Variants in ATG7 observed in about 807,000 individuals in gnomAD.
The protein encoded by ATG7 is ubiquitin-like modifier-activating enzyme ATG7.
Under a neutral mutation model 82.4 loss-of-function variants are expected in ATG7, and 70 were observed. That is an observed-to-expected ratio of 0.85 (90% CI 0.70 to 1.04). ATG7 has a LOEUF of 1.04. Among genes scored for constraint, ATG7 ranks in the 50% least tolerant of loss-of-function variants. The probability of loss-of-function intolerance (pLI) is 0.00; values close to 1 mark genes in which losing one functional copy is unlikely to be tolerated. For synonymous variants in ATG7, 287 were observed against 313.0 expected, an observed-to-expected ratio of 0.92 and a Z score of 0.88; for missense variants, 792 against 864.3, an observed-to-expected ratio of 0.92 and a Z score of 1.05.
At chr3:11,380,146 A>C in intron 19 of ATG7, 94 bp downstream of exon 19, 1 of 1,209,026 alleles carries the variant, frequency 8.3e-7, no homozygotes, top group Non-Finnish European at 1.2e-6. Context: ...GAAACCAACT[A>C]AGGGCTTTTT....
chr3:11,474,905 T>C (rs1191979153), intron 20 of ATG7, among the ~76,000 whole-genome samples: 1 of 151,592 alleles, frequency 6.6e-6, no homozygotes, highest in Non-Finnish European at 1.5e-5. Context: ...AGCAGTGCAG[T>C]GAATTAGTGG....
the ATG7 span, among the ~76,000 whole-genome samples, chr3:11,570,482 G>A: frequency 3.2e-4 from 48 of 152,276 alleles, no homozygotes; most frequent in African/African-American, 9.4e-4. Context: ...GTGCACTCCC[G>A]GGAAGGCTGA....
intron 4 of ATG7, 139 bp downstream of exon 4, chr3:11,298,994 G>T: frequency 2.1e-6 from 2 of 947,450 alleles, no homozygotes; most frequent in Non-Finnish European, 1.5e-6. Flanking sequence ...TTTACTTCCT[G>T]ACTTTTTGAT....
intron 1 of ATG7, among the ~76,000 whole-genome samples, chr3:11,276,207 C>A (rs948006356): frequency 1.1e-4 from 16 of 152,174 alleles, no homozygotes; most frequent in Admixed American, 1.0e-3. Flanking sequence ...TTAATTAAGG[C>A]ATCGCAGCTT....
At chr3:11,364,784 C>T (rs1575724165) in intron 18 of ATG7, 50 bp downstream of exon 18, 1 of 1,587,460 alleles carries the variant, frequency 6.3e-7, no homozygotes, top group Middle Eastern at 1.7e-4. Flanking sequence ...AGGGGGAAAG[C>T]ATGTGGGGTC....
At chr3:11,518,094 G>A (rs1469074841) in intron 20 of ATG7, among the ~76,000 whole-genome samples, 1 of 152,178 alleles carries the variant, frequency 6.6e-6, no homozygotes. Flanking sequence ...AGGGGACCAA[G>A]GTGCTTCCCT....
chr3:11,276,182 A>G (rs1158914453), intron 1 of ATG7, among the ~76,000 whole-genome samples: 1 of 152,092 alleles, frequency 6.6e-6, no homozygotes, highest in Admixed American at 6.5e-5. Context: ...CTTTTGCTCC[A>G]CTAAGTTGCA....
chr3:11,573,495 T>C, the ATG7 span, among the ~76,000 whole-genome samples: 32,268 of 152,036 alleles, frequency 0.21, 3,895 homozygotes, highest in African/African-American at 0.31. Flanking sequence ...GTCATCCACC[T>C]TCGACTTCAA....
intron 20 of ATG7, among the ~76,000 whole-genome samples, chr3:11,511,641 C>T (rs2092063095): frequency 6.6e-6 from 1 of 152,196 alleles, no homozygotes; most frequent in African/African-American, 2.4e-5. Context: ...GCGCCGTGAG[C>T]AGGGGGTGGT....
intron 20 of ATG7, among the ~76,000 whole-genome samples, chr3:11,458,008 A>G (rs1487543910): frequency 2.6e-5 from 4 of 152,224 alleles, no homozygotes; most frequent in Non-Finnish European, 4.4e-5. Flanking sequence ...TTCTAAGTGA[A>G]TGAGCTCACC....
chr3:11,338,585 C>G (rs1196888822), intron 11 of ATG7, among the ~76,000 whole-genome samples: 1 of 152,136 alleles, frequency 6.6e-6, no homozygotes, highest in Non-Finnish European at 1.5e-5. Flanking sequence ...AAGGCTGAAG[C>G]TGGAGGATCA....
At chr3:11,564,162 A>G in the ATG7 span, among the ~76,000 whole-genome samples, 1 of 152,184 alleles carries the variant, frequency 6.6e-6, no homozygotes, top group Non-Finnish European at 1.5e-5. Flanking sequence ...CTTCTCCCAT[A>G]TATTTCCCCA....
intron 19 of ATG7, among the ~76,000 whole-genome samples, chr3:11,382,077 T>G (rs1464216184): frequency 6.6e-6 from 1 of 152,228 alleles, no homozygotes; most frequent in Non-Finnish European, 1.5e-5. Flanking sequence ...ATTTATCCTT[T>G]GACATTCATG....
At chr3:11,441,670 A>ATTTTTTTTTTTTTTTTTTTT (rs35365064) in intron 20 of ATG7, among the ~76,000 whole-genome samples, 1 of 110,254 alleles carries the variant, frequency 9.1e-6, no homozygotes, top group Non-Finnish European at 1.9e-5. Context: ...TTTTTTTTTA[A>ATTTTTTTTTTTTTTTTTTTT]TTTTTTTTTT....
At chr3:11,301,719 T>C (rs1946817428) in intron 5 of ATG7, among the ~76,000 whole-genome samples, 1 of 152,224 alleles carries the variant, frequency 6.6e-6, no homozygotes, top group Non-Finnish European at 1.5e-5. Flanking sequence ...AGGAAACTAC[T>C]GGAAATGTAC....
At chr3:11,507,491 G>C (rs1337932031) in intron 20 of ATG7, among the ~76,000 whole-genome samples, 1 of 152,078 alleles carries the variant, frequency 6.6e-6, no homozygotes, top group Admixed American at 6.5e-5. Context: ...ATGAGTATTT[G>C]TGATATTTCA....
chr3:11,368,620 C>T (rs1006443654), intron 18 of ATG7, among the ~76,000 whole-genome samples: 18 of 151,840 alleles, frequency 1.2e-4, no homozygotes, highest in Non-Finnish European at 2.4e-4. Flanking sequence ...AGGGAGACCC[C>T]GTCTCTACAA....
intron 9 of ATG7, among the ~76,000 whole-genome samples, chr3:11,326,179 A>G (rs1198182199): frequency 6.6e-6 from 1 of 152,202 alleles, no homozygotes; most frequent in African/African-American, 2.4e-5. Flanking sequence ...TGAGTTTTTC[A>G]CTACATCAGG....
intron 20 of ATG7, among the ~76,000 whole-genome samples, chr3:11,505,528 C>A (rs1355847229): frequency 6.6e-6 from 1 of 152,170 alleles, no homozygotes; most frequent in East Asian, 1.9e-4. Context: ...AATGAGAGGT[C>A]ACTGAAATGA....
Sources: allele counts gnomAD v4.1 joint callset (sites outside exome capture counted in the v4.1 genomes callset), GRCh38; gene constraint gnomAD v4.1.1; transcripts MANE v1.5; gene names NCBI Gene and HGNC (gene_info 2026-07-23, HGNC 2026-07-21).